The following IQCE variants were observed in gnomAD, a reference collection of about 807,000 sequenced individuals.
IQCE encodes the protein IQ motif containing E.
IQCE carries 115 observed loss-of-function variants against 96.0 expected under a neutral mutation model. The ratio of observed to expected loss-of-function variants is 1.20; its 90% CI spans 1.03 to 1.40. The LOEUF (loss-of-function observed/expected upper bound fraction) is 1.40. IQCE is among the 40% of genes most tolerant of loss of function. The pLI is 0.00. For synonymous variants in IQCE, 412 were observed against 371.2 expected (o/e 1.11, Z -1.26); for missense variants, 1,041 against 909.1 (o/e 1.15, Z -1.87).
chr7:2,575,851 G>A (rs1469250133), intron 6 of IQCE, among the ~76,000 whole-genome samples: 1 of 152,216 alleles, frequency 6.6e-6, no homozygotes, highest in African/African-American at 2.4e-5. Flanking sequence ...CTGGCCCCCC[G>A]GCTCCCGGCC....
rs76811530 is a variant in IQCE, at chr7:2,574,791, G to A, written c.465+1303G>A. ...AGTGTTTTCCCCTCCGTCTTCCCTC[G>A]TGAAGATCGGGTAGCTTCACTATTC... On this transcript the variant is annotated intron_variant, in intron 6 of 21. Transcript: ENST00000402050. Among the ~76,000 whole-genome samples, 35 of 152,186 alleles carry A rather than the reference G, an allele frequency of 2.3e-4. No homozygotes were observed. The East Asian group carries it at 5.4e-3, about 24-fold the overall frequency.
At chr7:2,572,100 C>A in intron 4 of IQCE, 92 bp from the exon 5 acceptor site, 1 of 1,388,366 alleles carries the variant, frequency 7.2e-7, no homozygotes. Flanking sequence ...AGTGATTCAG[C>A]TTTCTTCAAT....
chr7:2,610,156 A>G lies in IQCE; in HGVS notation c.2082A>G (p.Pro694=), dbSNP rs1182524365. The G allele has an allele frequency of 6.3e-7, 1 of 1,585,720 alleles. No homozygotes were observed. The highest frequency in any genetic ancestry group is 1.1e-5 in the South Asian group (1 of 90,532). ...IAPSLPTKNF[P]V ...CGTCTCTGCCCACGAAGAACTTTCC[A>G]GTTTAGGTCCCCGTCACTGTCTCCA... The change falls in exon 22 of 22, where the codon CCA becomes CCG. Residue 694 remains proline, a synonymous_variant. Transcript: ENST00000402050.
At chr7:2,569,584 T>C (rs1781613263) in intron 3 of IQCE, among the ~76,000 whole-genome samples, 2 of 152,096 alleles carry the variant, frequency 1.3e-5, no homozygotes, top group African/African-American at 4.8e-5. Context: ...CCGAGGCCCC[T>C]CTGTCTCTAA....
At chr7:2,583,583 C>T (rs1020972896) in intron 9 of IQCE, 54 bp from the exon 10 acceptor site, 2 of 1,387,350 alleles carry the variant, frequency 1.4e-6, no homozygotes, top group Non-Finnish European at 2.0e-6. Context: ...TCCTCTTGCT[C>T]TGTCCCCTGG....
chr7:2,565,149 T>C (rs1225932701), intron 1 of IQCE, among the ~76,000 whole-genome samples: 1 of 151,224 alleles, frequency 6.6e-6, no homozygotes, highest in Non-Finnish European at 1.5e-5. Context: ...TGTGTGTGTG[T>C]GTGTGCTGTG....
chr7:2,603,989 C>CT (rs11427354), intron 18 of IQCE, among the ~76,000 whole-genome samples: 17,003 of 125,818 alleles, frequency 0.14, 1,130 homozygotes, highest in Admixed American at 0.17. Flanking sequence ...GCTTCCCTGT[C>CT]TTTTTTTTTT....
intron 13 of IQCE, among the ~76,000 whole-genome samples, chr7:2,589,525 G>T (rs947738945): frequency 1.3e-5 from 2 of 152,140 alleles, no homozygotes; most frequent in Non-Finnish European, 2.9e-5. Flanking sequence ...CACTTTGCAG[G>T]CGACACCAGG....
In IQCE at chr7:2,613,320, C is replaced by T. The variant is rs1785179042; in HGVS notation, c.*3158C>T. ...CTAGAGGCCTGTCCCCAACTCCTCCCCTAGAGGCCTATTCCCGCTGCTCAC... is the reference window on the plus strand; with the variant it reads ...CTAGAGGCCTGTCCCCAACTCCTCCTCTAGAGGCCTATTCCCGCTGCTCAC... On this transcript the variant is annotated 3_prime_UTR_variant, in exon 22 of 22. Transcript: ENST00000402050. The T allele has an allele frequency of 6.6e-6, 1 of 152,446 alleles. No individual in the cohort carries two copies. 9.4% of individuals were successfully genotyped at this position (152,446 alleles called of 1,614,324 possible).
At chr7:2,583,760 G>A (rs767915731) in intron 10 of IQCE, 51 bp downstream of exon 10, 8 of 386,310 alleles carry the variant, frequency 2.1e-5, no homozygotes, top group African/African-American at 4.9e-5. Flanking sequence ...GCTGGGCGGC[G>A]GGGCGGAGGG....
chr7:2,579,509 A>G (rs890236317), intron 8 of IQCE, among the ~76,000 whole-genome samples: 1 of 152,244 alleles, frequency 6.6e-6, no homozygotes, highest in African/African-American at 2.4e-5. Context: ...TCTCTAAAGA[A>G]AAAAGGCCGT....
chr7:2,573,467 C>G lies in IQCE; in HGVS notation c.444C>G (p.Asp148Glu). The change falls in exon 6 of 22, where the codon GAC becomes GAG. Residue 148 changes from aspartate to glutamate, a missense_variant. By Grantham distance (45) the Asp-to-Glu change is conservative. Coordinates refer to ENST00000402050, the MANE Select transcript of IQCE (RefSeq NM_152558.5). Reference sequence around the variant, plus strand: ...ACAGAGAAAAAGAAGATATGTATGACGAGATTATTGAGTTAAAGAAGGTAG... The same window carrying G: ...ACAGAGAAAAAGAAGATATGTATGAGGAGATTATTGAGTTAAAGAAGGTAG... ...PVYREKEDMY[D>E]EIIELKKSLH... The G allele has an allele frequency of 6.5e-7, 1 of 1,541,586 alleles. No individual in the cohort carries two copies. The highest frequency in any genetic ancestry group is 1.1e-5 in the South Asian group (1 of 88,936).
Position 2,582,565 on chromosome 7 carries a change from A to C in IQCE, c.631-15A>C, listed in dbSNP as rs367698020. The C allele has an allele frequency of 5.6e-6, 9 of 1,613,094 alleles. No homozygotes were observed. In the African/African-American group the frequency reaches 1.1e-4, roughly 19 times the overall value. On this transcript the variant is annotated splice_polypyrimidine_tract_variant and intron_variant, in intron 8 of 21. Coordinates refer to ENST00000402050, the MANE Select transcript of IQCE (RefSeq NM_152558.5). The stretch of plus-strand genomic sequence containing the variant: ...AGAGGGCGTGGCCTGCCTGATGGGC[A>C]CGTTCCCCGGGCAGGTCATTAACGG...
At chr7:2,589,067 A>G (rs952948444) in intron 13 of IQCE, among the ~76,000 whole-genome samples, 2 of 152,338 alleles carry the variant, frequency 1.3e-5, no homozygotes, top group African/African-American at 4.8e-5. Context: ...TTTTTTACAT[A>G]TTTACAACAT....
chr7:2,590,435 T>G (rs2128458886), intron 14 of IQCE, among the ~76,000 whole-genome samples: 1 of 152,376 alleles, frequency 6.6e-6, no homozygotes, highest in Middle Eastern at 3.4e-3. Context: ...TAAAACTGCT[T>G]ACATTTTGGT....
intron 2 of IQCE, 115 bp downstream of exon 2, chr7:2,567,278 A>C: frequency 1.2e-6 from 1 of 812,476 alleles, no homozygotes; most frequent in South Asian, 1.4e-5. Flanking sequence ...GAGAGCTGGA[A>C]TGCATATTCC....
chr7:2,591,692 C>G (rs1583471917), intron 14 of IQCE, among the ~76,000 whole-genome samples: 1 of 150,162 alleles, frequency 6.7e-6, no homozygotes, highest in Non-Finnish European at 1.5e-5. Context: ...ACAATCTGGG[C>G]TCACTGCAAA....
At chr7:2,570,588 TAAAC>T (rs139887413) in intron 3 of IQCE, among the ~76,000 whole-genome samples, 1,963 of 152,234 alleles carry the variant, frequency 0.013, 12 homozygotes, top group Non-Finnish European at 0.021. Flanking sequence ...CTTAGAAACT[TAAAC>T]ATTTTGAACA....
chr7:2,577,353 TGC>T (rs1031072543), intron 6 of IQCE, among the ~76,000 whole-genome samples: 2 of 125,548 alleles, frequency 1.6e-5, no homozygotes, highest in African/African-American at 5.5e-5. Flanking sequence ...TGCGTGGCTG[TGC>T]GCGCGGGGAC....
Sources: allele counts gnomAD v4.1 joint callset (sites outside exome capture counted in the v4.1 genomes callset), GRCh38; gene constraint gnomAD v4.1.1; transcripts MANE v1.5; gene names NCBI Gene and HGNC (gene_info 2026-07-23, HGNC 2026-07-21).